CCBE1: variants seen among roughly 807,000 people sequenced by gnomAD.
CCBE1 encodes collagen and calcium-binding EGF domain-containing protein 1.
In CCBE1, 37 loss-of-function variants were observed where a neutral mutation model predicts 50.0. The ratio of observed to expected loss-of-function variants is 0.74; its 90% CI spans 0.57 to 0.97. The LOEUF (loss-of-function observed/expected upper bound fraction) is 0.97, where lower values mean the gene tolerates loss of function less well. Ranked by LOEUF, CCBE1 falls within the 50% of genes least tolerant of loss-of-function variation. CCBE1 has a pLI of 0.00. For missense variants in CCBE1, 538 were observed against 523.8 expected (o/e 1.03, Z -0.26); for synonymous variants, 234 against 203.7 (o/e 1.15, Z -1.27).
intron 2 of CCBE1, among the ~76,000 whole-genome samples, chr18:59,662,266 C>T (rs972941702): frequency 2.0e-5 from 3 of 152,226 alleles, no homozygotes; most frequent in Non-Finnish European, 2.9e-5. Context: ...TGGGAACGTG[C>T]ATAGTGGGAC....
intron 2 of CCBE1, among the ~76,000 whole-genome samples, chr18:59,555,192 T>C (rs1465824411): frequency 6.6e-6 from 1 of 152,202 alleles, no homozygotes; most frequent in Non-Finnish European, 1.5e-5. Context: ...TTTCTTGAAA[T>C]TACATTTTAA....
intron 2 of CCBE1, among the ~76,000 whole-genome samples, chr18:59,560,792 G>C (rs2052724814): frequency 6.6e-6 from 1 of 152,198 alleles, no homozygotes; most frequent in Non-Finnish European, 1.5e-5. Flanking sequence ...AGCAGGATGG[G>C]TGTGTTGATG....
intron 2 of CCBE1, among the ~76,000 whole-genome samples, chr18:59,573,363 T>C (rs1217600138): frequency 6.8e-6 from 1 of 147,810 alleles, no homozygotes; most frequent in Admixed American, 6.8e-5. Context: ...CACTGAGGCT[T>C]ACTGAGGAAA....
intron 2 of CCBE1, among the ~76,000 whole-genome samples, chr18:59,614,745 G>A (rs983957763): frequency 3.3e-5 from 5 of 152,220 alleles, no homozygotes; most frequent in East Asian, 1.9e-4. Context: ...AGACTTTGTC[G>A]TCACAGTCCT....
chr18:59,575,716 T>C (rs2052984994), intron 2 of CCBE1, among the ~76,000 whole-genome samples: 1 of 152,234 alleles, frequency 6.6e-6, no homozygotes, highest in Non-Finnish European at 1.5e-5. Context: ...TTGACCATCA[T>C]TGATAGGGTC....
At chr18:59,623,973 AACCACAGG>A (rs2053745397) in intron 2 of CCBE1, among the ~76,000 whole-genome samples, 1 of 152,220 alleles carries the variant, frequency 6.6e-6, no homozygotes, top group African/African-American at 2.4e-5. Context: ...CAAACACCCA[AACCACAGG>A]ACCACTAGGA....
At chr18:59,528,716 A>G (rs902141808) in intron 2 of CCBE1, among the ~76,000 whole-genome samples, 3 of 152,114 alleles carry the variant, frequency 2.0e-5, no homozygotes, top group African/African-American at 4.8e-5. Context: ...CCCCTCTTCC[A>G]TAGGGATGCT....
chr18:59,466,101 AAT>A (rs1334650346), intron 5 of CCBE1, among the ~76,000 whole-genome samples: 2 of 152,030 alleles, frequency 1.3e-5, no homozygotes, highest in African/African-American at 2.4e-5. Context: ...AATATATAAA[AAT>A]ATATGTTATA....
At chr18:59,654,774 G>C (rs1399392771) in intron 2 of CCBE1, among the ~76,000 whole-genome samples, 1 of 135,708 alleles carries the variant, frequency 7.4e-6, no homozygotes, top group Non-Finnish European at 1.5e-5. Flanking sequence ...CCTGGTGACA[G>C]AGTGAGACTC....
intron 2 of CCBE1, among the ~76,000 whole-genome samples, chr18:59,593,783 G>C (rs945896954): frequency 6.6e-6 from 1 of 152,216 alleles, no homozygotes; most frequent in African/African-American, 2.4e-5. Context: ...TCAGTTAGCT[G>C]TATAAATTGT....
intron 6 of CCBE1, among the ~76,000 whole-genome samples, chr18:59,450,338 TTTGA>T (rs974799215): frequency 3.9e-5 from 6 of 152,200 alleles, no homozygotes; most frequent in Non-Finnish European, 7.3e-5. Context: ...AATATTCACA[TTTGA>T]TTATCATAAA....
intron 2 of CCBE1, among the ~76,000 whole-genome samples, chr18:59,536,118 T>C (rs894343504): frequency 1.3e-5 from 2 of 152,260 alleles, no homozygotes; most frequent in Admixed American, 6.5e-5. Flanking sequence ...CTGAAATAAT[T>C]CATTAAAAAA....
chr18:59,462,506 C>T (rs2143703542), intron 5 of CCBE1: 1 of 152,242 alleles, frequency 6.6e-6, no homozygotes, highest in African/African-American at 2.4e-5. Context: ...CCACCTCAGC[C>T]TCCTGAGTAG....
intron 2 of CCBE1, among the ~76,000 whole-genome samples, chr18:59,669,389 A>G (rs1012799772): frequency 2.0e-5 from 3 of 152,220 alleles, no homozygotes; most frequent in African/African-American, 7.2e-5. Context: ...TTTCCCTGGA[A>G]AGAGGGTTCT....
At chr18:59,689,416 A>C (rs905291539) in intron 2 of CCBE1, among the ~76,000 whole-genome samples, 1 of 152,218 alleles carries the variant, frequency 6.6e-6, no homozygotes, top group Non-Finnish European at 1.5e-5. Context: ...ATAAGGTGGC[A>C]ACATATTCAT....
intron 6 of CCBE1, among the ~76,000 whole-genome samples, chr18:59,452,486 C>T (rs973836894): frequency 2.6e-5 from 4 of 152,042 alleles, no homozygotes; most frequent in South Asian, 2.1e-4. Flanking sequence ...CCCAGCTACC[C>T]GGGAGGCTGA....
At chr18:59,655,679 G>C (rs769657576) in intron 2 of CCBE1, among the ~76,000 whole-genome samples, 20 of 152,188 alleles carry the variant, frequency 1.3e-4, no homozygotes, top group Non-Finnish European at 2.1e-4. Context: ...CTCAGCTAAT[G>C]AGCTGGTTTT....
intron 2 of CCBE1, among the ~76,000 whole-genome samples, chr18:59,595,435 C>T (rs61695179): frequency 0.092 from 13,946 of 152,120 alleles, 1,867 homozygotes; most frequent in African/African-American, 0.3. Flanking sequence ...AATACCAACC[C>T]TGTGTCCCTA....
rs775435710 is a variant in CCBE1 at position 59,696,622 on chromosome 18, G to A, written c.212+7C>T. 2 of 1,613,652 alleles carry A rather than the reference G, an allele frequency of 1.2e-6. No homozygotes were observed. The highest frequency in any genetic ancestry group is 1.3e-5 in the African/African-American group (1 of 74,938). On this transcript the variant is annotated splice_region_variant and intron_variant, in intron 2 of 10. Transcript: ENST00000439986. ...TGGCGAACAGCCCGCAGAGCCCCCAGGCTTACCTGTAGCATGTGGTGAGCT... is the reference window on the plus strand; with the variant it reads ...TGGCGAACAGCCCGCAGAGCCCCCAAGCTTACCTGTAGCATGTGGTGAGCT...
Sources: allele counts gnomAD v4.1 joint callset (sites outside exome capture counted in the v4.1 genomes callset), GRCh38; gene constraint gnomAD v4.1.1; transcripts MANE v1.5; gene names NCBI Gene and HGNC (gene_info 2026-07-23, HGNC 2026-07-21).